The following IGSF10 variants were observed in gnomAD, a reference collection of about 807,000 sequenced individuals.
The protein encoded by IGSF10 is calvaria mechanical force protein 608.
A neutral mutation model predicts 128.2 loss-of-function variants in IGSF10; 126 were observed. The observed-to-expected ratio is 0.98, with a 90% CI of 0.85 to 1.14. IGSF10 has a LOEUF of 1.14. Among genes scored for constraint, IGSF10 ranks in the 50% most tolerant of loss-of-function variants. The pLI, the probability that IGSF10 is intolerant of heterozygous loss-of-function variation, is 0.00. For missense variants in IGSF10, 3,295 were observed against 3,149.8 expected (o/e 1.05, Z -1.10); for synonymous variants, 1,185 against 1,146.2 (o/e 1.03, Z -0.68).
At chr3:151,548,896 C>T in the IGSF10 span, among the ~76,000 whole-genome samples, 1,111 of 150,890 alleles carry the variant, frequency 7.4e-3, 14 homozygotes, top group African/African-American at 0.026. Flanking sequence ...TTTTCTAATT[C>T]TTGTCATAGT....
the IGSF10 span, among the ~76,000 whole-genome samples, chr3:151,520,207 C>A: frequency 6.6e-6 from 1 of 151,624 alleles, no homozygotes; most frequent in African/African-American, 2.4e-5. Flanking sequence ...TAATCCTGCC[C>A]GAGTTTGTTT....
the IGSF10 span, among the ~76,000 whole-genome samples, chr3:151,496,058 C>G: frequency 3.2e-4 from 49 of 152,074 alleles, no homozygotes; most frequent in African/African-American, 1.1e-3. Context: ...ACTTATGAAA[C>G]ACGTTGAATA....
the IGSF10 span, among the ~76,000 whole-genome samples, chr3:151,548,882 T>G: frequency 1.3e-5 from 2 of 152,042 alleles, no homozygotes; most frequent in Admixed American, 1.3e-4. Context: ...TTTCCAAACA[T>G]TATTTTTCTA....
the IGSF10 span, among the ~76,000 whole-genome samples, chr3:151,471,520 C>A: frequency 6.6e-6 from 1 of 152,180 alleles, no homozygotes; most frequent in African/African-American, 2.4e-5. Flanking sequence ...GTTGGCCCAA[C>A]CTGCAGAGCT....
the IGSF10 span, among the ~76,000 whole-genome samples, chr3:151,617,335 CCCTCCTCCT>C: frequency 2.5e-5 from 2 of 78,508 alleles, no homozygotes; most frequent in Non-Finnish European, 4.8e-5. Context: ...CTCCTCCTCC[CCCTCCTCCT>C]CCTCCTCCTC....
chr3:151,473,052 C>G, the IGSF10 span, among the ~76,000 whole-genome samples: 1 of 152,144 alleles, frequency 6.6e-6, no homozygotes, highest in Non-Finnish European at 1.5e-5. Flanking sequence ...AGATGCCATC[C>G]TAGTTGTGGA....
chr3:151,453,237 G>T (rs1039346745), intron 5 of IGSF10, 147 bp downstream of exon 5: 3 of 657,732 alleles, frequency 4.6e-6, no homozygotes, highest in East Asian at 5.6e-5. Context: ...AGCCATAGAT[G>T]ATGTGTAAAT....
the IGSF10 span, among the ~76,000 whole-genome samples, chr3:151,480,162 A>T: frequency 6.6e-6 from 1 of 152,180 alleles, no homozygotes. Flanking sequence ...CTCCCGCCAA[A>T]CAGCAAATAA....
chr3:151,566,209 C>T, the IGSF10 span, among the ~76,000 whole-genome samples: 1 of 151,916 alleles, frequency 6.6e-6, no homozygotes, highest in South Asian at 2.1e-4. Flanking sequence ...TAATGATAAA[C>T]ATGATAGTTT....
chr3:151,456,694 T>C (rs534857276), intron 4 of IGSF10, among the ~76,000 whole-genome samples: 8 of 152,314 alleles, frequency 5.3e-5, no homozygotes, highest in Non-Finnish European at 8.8e-5. Context: ...CTGTCTAAGA[T>C]AGTCATTACT....
rs754052654 is a variant in IGSF10, at chr3:151,437,608, T to G, written c.6953A>C (p.Glu2318Ala). 1.2e-6 allele frequency: 2 copies of G among 1,614,206 alleles called. No individual in the cohort carries two copies. The highest frequency in any genetic ancestry group is 1.7e-6 in the Non-Finnish European group (2 of 1,180,036). The change falls in exon 8 of 8, where the codon GAA becomes GCA. Residue 2318 changes from glutamate (E) to alanine (A), a missense_variant. Transcript: ENST00000282466. ...TACTACCAACACGCTCTCTCCACCT[T>G]CATTTCGGGCCACACAGATAAAGTC... ...SADFICVARN[E>A]GGESVLVVQL...
the IGSF10 span, among the ~76,000 whole-genome samples, chr3:151,484,323 C>T: frequency 6.6e-6 from 1 of 151,964 alleles, no homozygotes; most frequent in Admixed American, 6.5e-5. Flanking sequence ...AGATAAAAAC[C>T]CCCACCTCCC....
the IGSF10 span, among the ~76,000 whole-genome samples, chr3:151,489,003 G>A: frequency 0.02 from 3,077 of 152,066 alleles, 80 homozygotes; most frequent in East Asian, 0.063. Flanking sequence ...GAACTTCTGC[G>A]CAGCAAAAGA....
chr3:151,544,780 C>A, the IGSF10 span, among the ~76,000 whole-genome samples: 1 of 151,378 alleles, frequency 6.6e-6, no homozygotes, highest in Non-Finnish European at 1.5e-5. Flanking sequence ...ATGCGATAGG[C>A]CCTTCAATCT....
At chr3:151,529,856 G>A in the IGSF10 span, among the ~76,000 whole-genome samples, 14 of 152,150 alleles carry the variant, frequency 9.2e-5, no homozygotes, top group East Asian at 2.5e-3. Flanking sequence ...GATGCAGGAT[G>A]AGTTTGACGA....
the IGSF10 span, among the ~76,000 whole-genome samples, chr3:151,605,540 G>A: frequency 5.3e-5 from 8 of 152,190 alleles, no homozygotes; most frequent in Admixed American, 2.6e-4. Context: ...CTATGGCTAC[G>A]AAAATTCTAG....
chr3:151,459,670 GA>G (rs965049142), intron 2 of IGSF10, among the ~76,000 whole-genome samples: 100 of 146,236 alleles, frequency 6.8e-4, no homozygotes, highest in African/African-American at 1.6e-3. Context: ...CAGCTTGTCA[GA>G]AAAAAAAAAA....
the IGSF10 span, among the ~76,000 whole-genome samples, chr3:151,591,908 C>T: frequency 1.3e-5 from 2 of 151,918 alleles, no homozygotes; most frequent in South Asian, 4.2e-4. Flanking sequence ...CATAAATGTG[C>T]TATTATGTTT....
the IGSF10 span, among the ~76,000 whole-genome samples, chr3:151,618,499 G>A: frequency 3.3e-5 from 5 of 152,262 alleles, no homozygotes; most frequent in African/African-American, 9.6e-5. Context: ...GGGAGGCCGA[G>A]GCGGGTGGAT....
Sources: gnomAD v4.1 joint callset for allele counts (sites outside exome capture counted in the v4.1 genomes callset) on GRCh38, gnomAD v4.1.1 for gene constraint, MANE v1.5 for transcripts, NCBI Gene and HGNC (gene_info 2026-07-23, HGNC 2026-07-21) for gene names.